SMC2: variants seen among roughly 807,000 people sequenced by gnomAD.
SMC2 encodes structural maintenance of chromosomes 2, also known as structural maintenance of chromosomes protein 2.
SMC2 carries 41 observed loss-of-function variants against 142.6 expected under a neutral mutation model. The observed-to-expected ratio is 0.29, with a 90% CI of 0.22 to 0.37. The LOEUF is 0.37. Among genes scored for constraint, SMC2 ranks in the 10% least tolerant of loss-of-function variants. The probability of loss-of-function intolerance (pLI) is 1.00; values close to 1 mark genes in which losing one functional copy is unlikely to be tolerated. For synonymous variants in SMC2, 463 were observed against 457.5 expected, an observed-to-expected ratio of 1.01 and a Z score of -0.15; for missense variants, 1,265 against 1,373.7, an observed-to-expected ratio of 0.92 and a Z score of 1.25.
At chr9:104,117,890 A>G (rs1200507425) in intron 14 of SMC2, among the ~76,000 whole-genome samples, 1 of 152,198 alleles carries the variant, frequency 6.6e-6, no homozygotes, top group Non-Finnish European at 1.5e-5. Context: ...ACACTTAGAA[A>G]CATGGTAATG....
chr9:104,138,665 G>A (rs916800064), intron 24 of SMC2, among the ~76,000 whole-genome samples: 1 of 152,132 alleles, frequency 6.6e-6, no homozygotes, highest in Non-Finnish European at 1.5e-5. Context: ...CATAAATTAT[G>A]CATTGTACAA....
At chr9:104,130,417 G>T (rs1224617394) in intron 21 of SMC2, among the ~76,000 whole-genome samples, 2 of 152,066 alleles carry the variant, frequency 1.3e-5, no homozygotes, top group Non-Finnish European at 2.9e-5. Flanking sequence ...CTACTCTTAA[G>T]ATAGCCATAA....
intron 11 of SMC2, 114 bp from the exon 12 acceptor site, chr9:104,113,850 A>G: frequency 3.1e-6 from 2 of 646,128 alleles, no homozygotes; most frequent in African/African-American, 1.9e-5. Context: ...TTTAATACTT[A>G]CAGAAATTTG....
In SMC2 at chr9:104,111,829, T is replaced by TA. The variant is rs112173249; in HGVS notation, c.1254+16dup. On this transcript the variant is annotated intron_variant, in intron 10 of 24. Coordinates refer to ENST00000374793, the MANE Select transcript of SMC2 (RefSeq NM_006444.3). The stretch of plus-strand genomic sequence containing the variant: ...AAGCCAAACAGGTAAATAGAGACAT[T>TA]AGCACTATGTGATTGCTTTTTTTTC... 27,802 of 1,544,028 alleles carry TA rather than the reference T, an allele frequency of 0.018. 1,502 individuals are homozygous for TA. The African/African-American group carries it at 0.2, about 11-fold the overall frequency.
rs1465589429 is a variant in SMC2 at position 104,116,288 on chromosome 9, C to T, written c.1760C>T (p.Ala587Val). The T allele has an allele frequency of 1.2e-6, 2 of 1,607,854 alleles. No homozygotes were observed. ...PLNKISARCI[A>V]PETLRVAQNL... is the part of the protein sequence containing the mutation. ...AATAAAATTTCAGCCAGATGTATTG[C>T]ACCAGAAACTCTGAGAGTTGCTCAG... is the stretch of plus-strand genomic sequence containing the variant. The change falls in exon 14 of 25, where the codon GCA becomes GTA. Residue 587 changes from alanine to valine, a missense_variant. Coordinates refer to ENST00000374793, the MANE Select transcript of SMC2 (RefSeq NM_006444.3).
the SMC2 span, among the ~76,000 whole-genome samples, chr9:104,089,226 G>A: frequency 6.6e-6 from 1 of 152,144 alleles, no homozygotes; most frequent in Admixed American, 6.5e-5. Context: ...GATTAAGTTA[G>A]GATATATTTG....
chr9:104,096,114 T>A, intron 2 of SMC2, 34 bp from the exon 3 acceptor site: 2 of 1,598,894 alleles, frequency 1.3e-6, no homozygotes, highest in East Asian at 4.5e-5. Flanking sequence ...GTAGGGAGTT[T>A]TGTAATTGTT....
At chr9:104,120,312 T>C in intron 16 of SMC2, 150 bp downstream of exon 16, 1 of 715,632 alleles carries the variant, frequency 1.4e-6, no homozygotes, top group South Asian at 2.2e-5. Context: ...GTTGATAACT[T>C]ACCATTTATC....
Position 104,114,770 on chromosome 9 carries a change from A to T in SMC2, c.1612A>T (p.Thr538Ser), listed in dbSNP as rs763851296. ...SLISVKDTSA[T>S]TALELVAGER... ...GATTAGTGTGAAAGACACTTCTGCA[A>T]CCACAGCTTTAGAATTAGTGGCTGG... Residue 538 changes from threonine to serine, a missense_variant, in exon 13 of 25, where the codon ACC becomes TCC. Transcript: ENST00000374793. 1 of 1,613,062 alleles carries T rather than the reference A, an allele frequency of 6.2e-7. No homozygotes were observed. The highest frequency in any genetic ancestry group is 1.3e-5 in the African/African-American group (1 of 74,920).
intron 20 of SMC2, among the ~76,000 whole-genome samples, chr9:104,128,975 TTG>T (rs1313131972): frequency 1.3e-5 from 2 of 152,134 alleles, no homozygotes; most frequent in Non-Finnish European, 2.9e-5. Context: ...TTCTCATAAG[TTG>T]TGTTTTGAAG....
chr9:104,117,553 A>G (rs1833262529), intron 14 of SMC2, among the ~76,000 whole-genome samples: 1 of 152,198 alleles, frequency 6.6e-6, no homozygotes, highest in Non-Finnish European at 1.5e-5. Flanking sequence ...TAACTGGCAG[A>G]CGACTGCTCT....
chr9:104,089,488 A>G (rs1829961575), upstream of SMC2, among the ~76,000 whole-genome samples: 1 of 152,148 alleles, frequency 6.6e-6, no homozygotes, highest in Non-Finnish European at 1.5e-5. Context: ...AGAGAAGTCA[A>G]TAATTATCCC....
At chr9:104,103,875 T>A (rs1186859005) in intron 9 of SMC2, among the ~76,000 whole-genome samples, 1 of 152,186 alleles carries the variant, frequency 6.6e-6, no homozygotes, top group Non-Finnish European at 1.5e-5. Context: ...GTTGTAGCAG[T>A]CTGTGTTGTG....
chr9:104,093,731 G>T (rs1587870347), upstream of SMC2, among the ~76,000 whole-genome samples: 1 of 152,202 alleles, frequency 6.6e-6, no homozygotes, highest in South Asian at 2.1e-4. Context: ...GGAAACTTCA[G>T]ATAAAAACGC....
At chr9:104,097,224 G>C (rs2131284521) in intron 3 of SMC2, among the ~76,000 whole-genome samples, 1 of 148,836 alleles carries the variant, frequency 6.7e-6, no homozygotes, top group South Asian at 2.1e-4. Flanking sequence ...AGCCTCCTGA[G>C]TAGCTGGGAC....
intron 23 of SMC2, among the ~76,000 whole-genome samples, chr9:104,136,586 C>A (rs1835549894): frequency 6.6e-6 from 1 of 151,848 alleles, no homozygotes; most frequent in Non-Finnish European, 1.5e-5. Context: ...CCCTTCAGCA[C>A]AGCAGAATTT....
intron 9 of SMC2, among the ~76,000 whole-genome samples, chr9:104,104,678 A>G (rs566738500): frequency 1.6e-4 from 24 of 152,288 alleles, no homozygotes; most frequent in African/African-American, 5.5e-4. Context: ...ATGCCACCTA[A>G]GGAGTTGTCC....
intron 1 of SMC2, 147 bp from the exon 2 acceptor site, chr9:104,095,177 A>G (rs1830316562): frequency 4.0e-6 from 2 of 502,220 alleles, no homozygotes; most frequent in Non-Finnish European, 7.0e-6. Context: ...ATTTTTGAGT[A>G]GATGAACGAT....
rs1834104021 is a variant in SMC2 at position 104,124,961 on chromosome 9, A to G, written c.2307A>G (p.Ala769=). The change falls in exon 18 of 25, where the codon GCA becomes GCG. Residue 769 remains alanine, a synonymous_variant. Transcript: ENST00000374793. ...LKNTKEIQRK[A]EEKYEVLENK... is the part of the protein sequence containing the mutation. ...ACACTAAAGAAATCCAAAGAAAAGC[A>G]GAAGAAAAATATGAAGTATTGGAAA... is the stretch of plus-strand genomic sequence containing the variant. 2.5e-6 allele frequency: 4 copies of G among 1,598,826 alleles called. No individual in the cohort carries two copies. The highest frequency in any genetic ancestry group is 3.4e-6 in the Non-Finnish European group (4 of 1,176,522).
Sources: allele counts gnomAD v4.1 joint callset (sites outside exome capture counted in the v4.1 genomes callset), GRCh38; gene constraint gnomAD v4.1.1; transcripts MANE v1.5; gene names NCBI Gene and HGNC (gene_info 2026-07-23, HGNC 2026-07-21).